The following PALM2AKAP2 variants were observed in gnomAD, a reference collection of about 807,000 sequenced individuals.
PALM2AKAP2 encodes PALM2 and AKAP2 fusion.
PALM2AKAP2 carries 37 observed loss-of-function variants against 71.5 expected under a neutral mutation model. The observed-to-expected ratio is 0.52, with a 90% CI of 0.40 to 0.68. PALM2AKAP2 has a LOEUF of 0.68. PALM2AKAP2 is among the 30% of genes least tolerant of loss of function. PALM2AKAP2 has a pLI of 0.00. For synonymous variants in PALM2AKAP2, 468 were observed against 478.8 expected (o/e 0.98, Z 0.29); for missense variants, 1,224 against 1,191.8 (o/e 1.03, Z -0.40).
At chr9:109,696,180 C>T (rs1020617185) in intron 1 of PALM2AKAP2, among the ~76,000 whole-genome samples, 1 of 151,922 alleles carries the variant, frequency 6.6e-6, no homozygotes, top group Non-Finnish European at 1.5e-5. Context: ...TTGAAAAAAA[C>T]TGTGAATATT....
chr9:110,143,663 C>A (rs1438362475), intron 2 of PALM2AKAP2, among the ~76,000 whole-genome samples: 1 of 152,174 alleles, frequency 6.6e-6, no homozygotes, highest in Non-Finnish European at 1.5e-5. Context: ...GGTTTCACTT[C>A]CAAGTTCTAA....
At chr9:109,911,597 C>T (rs563395599) in intron 3 of PALM2AKAP2, among the ~76,000 whole-genome samples, 1 of 152,234 alleles carries the variant, frequency 6.6e-6, no homozygotes, top group African/African-American at 2.4e-5. Flanking sequence ...GTTCTTTTTT[C>T]TCACTGAATA....
In PALM2AKAP2 at chr9:110,016,022, C is replaced by G. The variant is rs138577734; in HGVS notation, c.565C>G (p.Pro189Ala). 7.4e-6 allele frequency: 12 copies of G among 1,613,640 alleles called. No homozygotes were observed. The African/African-American group carries it at 1.6e-4, about 22-fold the overall frequency. The change falls in exon 7 of 10, where the codon CCA becomes GCA. Residue 189 changes from proline to alanine, a missense_variant. Transcript: ENST00000302798. ...CTCGAACGCCACAGAAACATCCGGC[C>G]CAGACATGACTATCAAGGTAAGGGA... is the stretch of plus-strand genomic sequence containing the variant.
At chr9:110,022,629 C>T (rs946906097) in intron 7 of PALM2AKAP2, among the ~76,000 whole-genome samples, 3 of 150,686 alleles carry the variant, frequency 2.0e-5, no homozygotes, top group African/African-American at 7.3e-5. Context: ...GCACAATGTG[C>T]AGGTTTGTTA....
intron 1 of PALM2AKAP2, among the ~76,000 whole-genome samples, chr9:109,769,945 T>TA (rs1265882574): frequency 6.6e-6 from 1 of 152,162 alleles, no homozygotes; most frequent in Non-Finnish European, 1.5e-5. Context: ...CTAGAAGAAC[T>TA]AAAGGCTGGG....
chr9:110,136,212 G>C (rs1350183964), exon 2 of PALM2AKAP2: 1 of 1,613,986 alleles, frequency 6.2e-7, no homozygotes, highest in Non-Finnish European at 8.5e-7. Flanking sequence ...CCTGCTGCCA[G>C]CTCTCTTTCC....
At chr9:109,943,196 T>C in intron 6 of PALM2AKAP2, 1 of 1,614,198 alleles carries the variant, frequency 6.2e-7, no homozygotes. Flanking sequence ...GATGAAACCA[T>C]CAAGGCTGAA....
intron 1 of PALM2AKAP2, among the ~76,000 whole-genome samples, chr9:110,058,005 G>A (rs1833882006): frequency 6.6e-6 from 1 of 152,130 alleles, no homozygotes; most frequent in Admixed American, 6.6e-5. Flanking sequence ...AGAATCTGAT[G>A]GGTAGAGACC....
At chr9:110,047,868 G>A (rs1386516215), upstream of PALM2AKAP2, among the ~76,000 whole-genome samples, 6 of 152,204 alleles carry the variant, frequency 3.9e-5, no homozygotes, top group South Asian at 2.1e-4. Flanking sequence ...CATGGTGGAG[G>A]AGGGGATGAG....
chr9:109,887,626 G>GTGA lies in PALM2AKAP2; in HGVS notation c.257+6964_257+6966dup, dbSNP rs201213599. On this transcript the variant is annotated intron_variant, in intron 3 of 9. Transcript: ENST00000302798. Reference sequence around the variant, plus strand: ...AGCCTTGTAATACTCCCATGAGGTAGTGATGATGATGATGATGATGAAGAG... The same window carrying GTGA: ...AGCCTTGTAATACTCCCATGAGGTAGTGATGATGATGATGATGATGATGAAGAG... Among the ~76,000 whole-genome samples, 521 of 151,990 alleles carry GTGA rather than the reference G, an allele frequency of 3.4e-3. 5 individuals carry two copies. Among genetic ancestry groups the GTGA allele is most frequent in the East Asian group, 0.031 (158 of 5,176 alleles).
chr9:109,943,727 G>A (rs1308401744), intron 6 of PALM2AKAP2: 1 of 303,740 alleles, frequency 3.3e-6, no homozygotes, highest in East Asian at 6.3e-5. Flanking sequence ...CAGTGATATG[G>A]TAGCCTTAAC....
intron 2 of PALM2AKAP2, among the ~76,000 whole-genome samples, chr9:110,150,165 G>A (rs903118927): frequency 8.5e-5 from 13 of 152,214 alleles, no homozygotes; most frequent in East Asian, 1.9e-4. Context: ...ACAGCAAGAG[G>A]GCAGCTGTCT....
At chr9:109,866,220 G>A (rs571958289) in intron 1 of PALM2AKAP2, among the ~76,000 whole-genome samples, 106 of 152,266 alleles carry the variant, frequency 7.0e-4, no homozygotes, top group Non-Finnish European at 1.3e-3. Context: ...GAAACATAGC[G>A]ACTACATAAA....
exon 2 of PALM2AKAP2, chr9:110,138,327 T>C (rs1173545822): frequency 1.2e-6 from 2 of 1,614,062 alleles, no homozygotes; most frequent in South Asian, 1.1e-5. Context: ...GCCTCCCTCC[T>C]GGCCACTCAA....
chr9:109,840,724 T>A (rs1828635357), intron 1 of PALM2AKAP2, among the ~76,000 whole-genome samples: 1 of 152,094 alleles, frequency 6.6e-6, no homozygotes, highest in African/African-American at 2.4e-5. Context: ...AACAGACACT[T>A]CTCAAAAGAA....
At chr9:109,844,179 A>T (rs543708167) in intron 1 of PALM2AKAP2, among the ~76,000 whole-genome samples, 2 of 152,232 alleles carry the variant, frequency 1.3e-5, no homozygotes, top group Non-Finnish European at 2.9e-5. Flanking sequence ...TTTTCACAGC[A>T]ACCATGTAGA....
chr9:110,149,948 G>GATTGAGACCAGCCTGGTCTCA (rs1047116743), intron 2 of PALM2AKAP2, among the ~76,000 whole-genome samples: 3 of 152,174 alleles, frequency 2.0e-5, no homozygotes, highest in African/African-American at 4.8e-5. Context: ...CCAAAAGGAG[G>GATTGAGACCAGCCTGGTCTCA]ATTGAGACCA....
At chr9:109,817,036 G>A (rs1002554728) in intron 1 of PALM2AKAP2, among the ~76,000 whole-genome samples, 3 of 152,096 alleles carry the variant, frequency 2.0e-5, no homozygotes, top group Admixed American at 6.6e-5. Flanking sequence ...TACCCCTACC[G>A]AGTTTTCTAA....
intron 3 of PALM2AKAP2, among the ~76,000 whole-genome samples, chr9:109,890,878 T>G (rs1211196643): frequency 6.6e-6 from 1 of 152,210 alleles, no homozygotes; most frequent in African/African-American, 2.4e-5. Context: ...CCTTTTTATC[T>G]CCTTTGAAAC....
Sources: allele counts gnomAD v4.1 joint callset (sites outside exome capture counted in the v4.1 genomes callset), GRCh38; gene constraint gnomAD v4.1.1; transcripts MANE v1.5; gene names NCBI Gene and HGNC (gene_info 2026-07-23, HGNC 2026-07-21).